Variants in NGDN observed in about 807,000 individuals in gnomAD.
NGDN encodes the protein neuroguidin, also known as EIF4E-binding protein.
NGDN carries 41 observed loss-of-function variants against 45.2 expected under a neutral mutation model. The ratio of observed to expected loss-of-function variants is 0.91; its 90% CI spans 0.71 to 1.18. The LOEUF (loss-of-function observed/expected upper bound fraction) is 1.18. NGDN is among the 50% of genes most tolerant of loss of function. NGDN has a pLI of 0.00. For missense variants in NGDN, 402 were observed against 399.9 expected (o/e 1.01, Z -0.05); for synonymous variants, 137 against 130.9 (o/e 1.05, Z -0.32).
In NGDN at chr14:23,475,746, T is replaced by C. The variant is rs1409718361; in HGVS notation, c.388T>C (p.Phe130Leu). The change falls in exon 6 of 11, where the codon TTT (phenylalanine) becomes CTT (leucine). Residue 130 changes from phenylalanine (F) to leucine (L), a missense_variant. Coordinates refer to ENST00000408901, the MANE Select transcript of NGDN (RefSeq NM_001042635.2). ...TTCAGGTGAGAATGACCCACTTCGT[T>C]TTAAGCCTCATCCCAGCAATATGAT... ...GSLSENDPLR[F>L]KPHPSNMMSK... 2 of 1,613,594 alleles carry C rather than the reference T, an allele frequency of 1.2e-6. No homozygotes were observed. The highest frequency in any genetic ancestry group is 1.7e-6 in the Non-Finnish European group (2 of 1,180,018).
chr14:23,475,452 C>G, intron 4 of NGDN, 106 bp from the exon 5 acceptor site: 4 of 1,375,548 alleles, frequency 2.9e-6, no homozygotes, highest in Non-Finnish European at 4.1e-6. Flanking sequence ...ATTTGCTCTA[C>G]TTTGTACATA....
chr14:23,477,419 G>A (rs768379619), intron 9 of NGDN, 63 bp downstream of exon 9: 16 of 1,611,858 alleles, frequency 9.9e-6, no homozygotes, highest in Admixed American at 8.3e-5. Context: ...ATGTATGTGG[G>A]GCTTATTACC....
downstream of NGDN, chr14:23,478,257 A>G (rs746641095): frequency 2.3e-5 from 10 of 439,784 alleles, no homozygotes; most frequent in Non-Finnish European, 3.2e-5. Flanking sequence ...TGAAAAGGGA[A>G]ATTTTTTTTG....
intron 10 of NGDN, 79 bp downstream of exon 10, chr14:23,477,639 G>T: frequency 6.3e-7 from 1 of 1,596,120 alleles, no homozygotes; most frequent in South Asian, 1.1e-5. Context: ...TTGCCATTCT[G>T]GGTCTCACCA....
chr14:23,470,078 C>T lies in NGDN; in HGVS notation c.49C>T (p.Leu17Phe). 2 of 1,614,120 alleles carry T rather than the reference C, an allele frequency of 1.2e-6. No homozygotes were observed. The highest frequency in any genetic ancestry group is 1.7e-6 in the Non-Finnish European group (2 of 1,179,980). The change falls in exon 2 of 11, where the codon CTT becomes TTT. Residue 17 changes from leucine to phenylalanine, a missense_variant. By Grantham distance (22) the Leu-to-Phe change is conservative. Coordinates refer to ENST00000408901, the MANE Select transcript of NGDN (RefSeq NM_001042635.2). Reference sequence around the variant, plus strand: ...GTCCGACCTGCCAAGTGCCGTGACACTTCTGAAAAATCTCCAGGAGCAAGT... The same window carrying T: ...GTCCGACCTGCCAAGTGCCGTGACATTTCTGAAAAATCTCCAGGAGCAAGT... ...LESDLPSAVT[L>F]LKNLQEQVMA...
chr14:23,477,715 C>A, intron 10 of NGDN, 155 bp downstream of exon 10: 1 of 1,467,274 alleles, frequency 6.8e-7, no homozygotes, highest in Non-Finnish European at 9.0e-7. Flanking sequence ...TTTTTGCTTT[C>A]CTGAGCTGGA....
intron 3 of NGDN, among the ~76,000 whole-genome samples, chr14:23,471,791 CAG>C: frequency 7.2e-6 from 1 of 138,172 alleles, no homozygotes; most frequent in East Asian, 2.1e-4. Context: ...GCCTGGGTGA[CAG>C]AGCAAGACCC....
chr14:23,472,758 G>T (rs1242769754), intron 3 of NGDN, among the ~76,000 whole-genome samples: 3 of 152,158 alleles, frequency 2.0e-5, no homozygotes, highest in Non-Finnish European at 4.4e-5. Flanking sequence ...TTTAAGCACA[G>T]GAGTTACAGC....
intron 9 of NGDN, 47 bp downstream of exon 9, chr14:23,477,403 A>G (rs769499744): frequency 8.1e-6 from 13 of 1,612,846 alleles, no homozygotes; most frequent in Non-Finnish European, 1.1e-5. Context: ...TCATGCTTTC[A>G]GCAAAATGTA....
chr14:23,470,616 A>G (rs548674973), intron 2 of NGDN, among the ~76,000 whole-genome samples: 3 of 152,324 alleles, frequency 2.0e-5, no homozygotes, highest in South Asian at 4.1e-4. Context: ...TGTAAGTTCA[A>G]CTAGTACAAA....
At chr14:23,475,847 C>A in intron 6 of NGDN, 69 bp downstream of exon 6, 2 of 1,496,148 alleles carry the variant, frequency 1.3e-6, no homozygotes, top group Non-Finnish European at 1.8e-6. Flanking sequence ...TCTTGGTGAT[C>A]CTGGATACCC....
chr14:23,476,458 CATGCTTTATACTAATGTGACTAAG>C, intron 8 of NGDN, 51 bp downstream of exon 8: 1 of 1,477,234 alleles, frequency 6.8e-7, no homozygotes, highest in Non-Finnish European at 9.2e-7. Context: ...GTCCTGTCCT[CATGCTTTATACTAATGTGACTAAG>C]TTTGGTACCA....
At chr14:23,474,577 C>CT (rs397824319) in intron 3 of NGDN, among the ~76,000 whole-genome samples, 24 of 151,852 alleles carry the variant, frequency 1.6e-4, no homozygotes, top group Admixed American at 1.6e-3. Flanking sequence ...ATATCCCCCC[C>CT]TACACACACA....
At chr14:23,474,182 C>T (rs1458427406) in intron 3 of NGDN, among the ~76,000 whole-genome samples, 1 of 152,100 alleles carries the variant, frequency 6.6e-6, no homozygotes, top group African/African-American at 2.4e-5. Flanking sequence ...TAGTGTTGAT[C>T]TCAAGAGCTT....
chr14:23,475,676 C>G, intron 5 of NGDN, 34 bp downstream of exon 5: 1 of 1,613,114 alleles, frequency 6.2e-7, no homozygotes, highest in East Asian at 2.2e-5. Flanking sequence ...GTTGTGGGGA[C>G]CATCAGAAAG....
chr14:23,478,461 T>G (rs1893954925), downstream of NGDN: 1 of 158,408 alleles, frequency 6.3e-6, no homozygotes, highest in African/African-American at 2.4e-5. Context: ...TTTTAGGTTT[T>G]ATTAGTGTTA....
rs375226684 is a variant in NGDN at position 23,471,375 on chromosome 14, C to T, written c.144+398C>T. 105 of 168,822 alleles carry T rather than the reference C, an allele frequency of 6.2e-4. No homozygotes were observed. In the South Asian group the frequency reaches 0.02, roughly 32 times the overall value. The allele number at this position is 168,822 out of a possible 1,614,324, so 10.5% of individuals were successfully genotyped here. A position where few individuals can be genotyped will look rare whatever the true frequency, so the allele number is the denominator to read the frequency against. ...TAAGTCATTTTTGTGATAGGATGTACTTTCTGTGTTATGTGTGTTGGGGGT... is the reference window on the plus strand; with the variant it reads ...TAAGTCATTTTTGTGATAGGATGTATTTTCTGTGTTATGTGTGTTGGGGGT... On this transcript the variant is annotated intron_variant, in intron 3 of 10. Transcript: ENST00000408901.
chr14:23,469,851 C>A, intron 1 of NGDN, 124 bp downstream of exon 1: 1 of 1,373,950 alleles, frequency 7.3e-7, no homozygotes, highest in Non-Finnish European at 1.0e-6. Flanking sequence ...GGGAGGCGGC[C>A]TCCCTAGAGT....
chr14:23,475,484 C>A, intron 4 of NGDN, 74 bp from the exon 5 acceptor site: 1 of 1,477,864 alleles, frequency 6.8e-7, no homozygotes, highest in Non-Finnish European at 9.4e-7. Context: ...TTATGTGGCA[C>A]CTTAATATAG....
Sources: gnomAD v4.1 joint callset for allele counts (sites outside exome capture counted in the v4.1 genomes callset) on GRCh38, gnomAD v4.1.1 for gene constraint, MANE v1.5 for transcripts, NCBI Gene and HGNC (gene_info 2026-07-23, HGNC 2026-07-21) for gene names.